CLCN7: variants seen among roughly 807,000 people sequenced by gnomAD.
CLCN7 encodes the protein H(+)/Cl(-) exchange transporter 7.
Under a neutral mutation model 102.1 loss-of-function variants are expected in CLCN7, and 60 were observed. That is an observed-to-expected ratio of 0.59 (90% CI 0.48 to 0.73). The LOEUF is 0.73. CLCN7 is among the 30% of genes least tolerant of loss of function. CLCN7 has a pLI of 0.00. For synonymous variants in CLCN7, 560 were observed against 490.5 expected (o/e 1.14, Z -1.87); for missense variants, 962 against 1,125.7 (o/e 0.85, Z 2.08).
intron 7 of CLCN7, among the ~76,000 whole-genome samples, chr16:1,458,537 T>C (rs2038875311): frequency 6.6e-6 from 1 of 152,162 alleles, no homozygotes; most frequent in Non-Finnish European, 1.5e-5. Flanking sequence ...GTCCCGCTCC[T>C]TGGCCACGGG....
At chr16:1,463,777 A>AG in intron 2 of CLCN7, among the ~76,000 whole-genome samples, 1 of 146,426 alleles carries the variant, frequency 6.8e-6, no homozygotes, top group Admixed American at 6.7e-5. Flanking sequence ...CTGCCCAGAA[A>AG]AAAAAAAAAA....
chr16:1,460,958 G>A lies in CLCN7; in HGVS notation c.352-10C>T, dbSNP rs763328104. 9.9e-6 allele frequency: 16 copies of A among 1,612,010 alleles called. No homozygotes were observed. Among genetic ancestry groups the A allele is most frequent in the Non-Finnish European group, 1.3e-5 (15 of 1,179,814 alleles). On this transcript the variant is annotated splice_polypyrimidine_tract_variant and intron_variant, in intron 4 of 24. Transcript: ENST00000382745. ...CCACCGTCCGGAAGGCCTGCAGGGCGCGGTCAGGGCGAGGGTCAGGCAGGG... is the reference window on the plus strand; with the variant it reads ...CCACCGTCCGGAAGGCCTGCAGGGCACGGTCAGGGCGAGGGTCAGGCAGGG...
chr16:1,455,276 G>A lies in CLCN7; in HGVS notation c.982-26C>T, dbSNP rs111660667. 1.7e-3 allele frequency: 2,312 copies of A among 1,393,992 alleles called. 30 individuals are homozygous for A. In the African/African-American group the frequency reaches 0.027, roughly 16 times the overall value. The allele number at this position is 1,393,992 out of a possible 1,614,324, so 86.4% of individuals were successfully genotyped here. Reference sequence around the variant, plus strand: ...CTGCGGCAGAGGGCAGGAAACCAGCGCCCTCAGAGCCACGCTCCCAGCCCA... The same window carrying A: ...CTGCGGCAGAGGGCAGGAAACCAGCACCCTCAGAGCCACGCTCCCAGCCCA... On this transcript the variant is annotated intron_variant, in intron 11 of 24. Transcript: ENST00000382745.
intron 1 of CLCN7, among the ~76,000 whole-genome samples, chr16:1,473,336 A>G (rs1244314931): frequency 7.0e-6 from 1 of 143,654 alleles, no homozygotes; most frequent in Non-Finnish European, 1.5e-5. Context: ...TGTAGGTTCT[A>G]TGGAAACAGG....
rs1018047585 is a variant in CLCN7 at position 1,457,862 on chromosome 16, A to G, written c.676-106T>C. 24 of 1,148,674 alleles carry G rather than the reference A, an allele frequency of 2.1e-5. No homozygotes were observed. The Admixed American group carries it at 3.3e-4, about 16-fold the overall frequency. The allele number at this position is 1,148,674 out of a possible 1,614,324, so 71.2% of individuals were successfully genotyped here. ...GCCCCGATCAGGCAGAGTGGCTGGGACACGGGGCCTCCGGGAGGGGGCCAG... is the reference window on the plus strand; with the variant it reads ...GCCCCGATCAGGCAGAGTGGCTGGGGCACGGGGCCTCCGGGAGGGGGCCAG... On this transcript the variant is annotated intron_variant, in intron 7 of 24. Transcript: ENST00000382745. This position sits in a 1 kb window ranked among gnomAD's most constrained non-coding sequence, Gnocchi z 5.4.
In CLCN7 at chr16:1,456,267, G is replaced by A. The variant is rs2036435992; in HGVS notation, c.823-61C>T. 9 of 1,247,282 alleles carry A rather than the reference G, an allele frequency of 7.2e-6. No homozygotes were observed. The South Asian group carries it at 1.2e-4, about 16-fold the overall frequency. The allele number at this position is 1,247,282 out of a possible 1,614,324, so 77.3% of individuals were successfully genotyped here. On this transcript the variant is annotated intron_variant, in intron 9 of 24. Transcript: ENST00000382745. The stretch of plus-strand genomic sequence containing the variant: ...CTTGAGGGCACGGCTCTCAGAAAGG[G>A]AGAGCAACTGCCAGGACAGGGGCTG...
At chr16:1,449,479 C>T (rs1047039178) in intron 17 of CLCN7, 152 bp from the exon 18 acceptor site, 3 of 695,846 alleles carry the variant, frequency 4.3e-6, no homozygotes, top group Admixed American at 2.2e-5. Flanking sequence ...CAACCTAGCA[C>T]AGTACACCCT....
rs1208445815 is a variant in CLCN7 at position 1,460,898 on chromosome 16, C to A, written c.402G>T (p.Gly134=). 2 of 1,613,886 alleles carry A rather than the reference C, an allele frequency of 1.2e-6. No individual in the cohort carries two copies. The highest frequency in any genetic ancestry group is 1.7e-6 in the Non-Finnish European group (2 of 1,179,968). The change falls in exon 5 of 25, where the codon GGG becomes GGT. Residue 134 remains glycine, a synonymous_variant. Coordinates refer to ENST00000382745, the MANE Select transcript of CLCN7 (RefSeq NM_001287.6). ...AGCAGGCCACGAGGCCCGTGAGGATCCCAATGAGGGCGCAGATGACCCAGC... is the reference window on the plus strand; with the variant it reads ...AGCAGGCCACGAGGCCCGTGAGGATACCAATGAGGGCGCAGATGACCCAGC... The part of the protein sequence containing the change: ...IKRWVICALI[G]ILTGLVACFI...
chr16:1,466,049 G>A (rs941226233), intron 1 of CLCN7, among the ~76,000 whole-genome samples: 8 of 152,238 alleles, frequency 5.3e-5, no homozygotes, highest in African/African-American at 1.7e-4. Context: ...CTTTGGAGAC[G>A]ACTCCAATTT....
chr16:1,450,080 G>A (rs2038720258), intron 17 of CLCN7: 2 of 214,840 alleles, frequency 9.3e-6, no homozygotes, highest in Admixed American at 5.3e-5. Flanking sequence ...GGCAGGCAGA[G>A]AAGGAAGGCC....
chr16:1,456,331 C>G, intron 9 of CLCN7, 125 bp from the exon 10 acceptor site: 1 of 739,022 alleles, frequency 1.4e-6, no homozygotes, highest in Non-Finnish European at 2.4e-6. Flanking sequence ...GAGTCAGCAG[C>G]TCTGATTCCT....
chr16:1,455,940 T>C (rs2038828593), intron 10 of CLCN7, 145 bp from the exon 11 acceptor site: 4 of 1,057,240 alleles, frequency 3.8e-6, no homozygotes, highest in African/African-American at 3.1e-5. Flanking sequence ...AGAGGGACCC[T>C]GAGGGAGGTC....
At position 1,457,153 on chromosome 16, in the gene CLCN7, G is replaced by T; in HGVS notation, c.822+101C>A. 8.9e-7 allele frequency: 1 copy of T among 1,117,456 alleles called. No individual in the cohort carries two copies. The highest frequency in any genetic ancestry group is 1.4e-6 in the Non-Finnish European group (1 of 735,444). 69.2% of individuals were successfully genotyped at this position (1,117,456 alleles called of 1,614,324 possible). On this transcript the variant is annotated intron_variant, in intron 9 of 24. Coordinates refer to ENST00000382745, the MANE Select transcript of CLCN7 (RefSeq NM_001287.6). This position sits in a 1 kb window ranked among gnomAD's most constrained non-coding sequence, Gnocchi z 5.4. Reference sequence around the variant, plus strand: ...CAGGCTGTCCTCAGATGGGGCTGGGGCTCTCGGCCTGGGGGTGCTGAGGGA... The same window carrying T: ...CAGGCTGTCCTCAGATGGGGCTGGGTCTCTCGGCCTGGGGGTGCTGAGGGA...
At chr16:1,468,416 G>T (rs907675026) in intron 1 of CLCN7, among the ~76,000 whole-genome samples, 3 of 152,328 alleles carry the variant, frequency 2.0e-5, no homozygotes, top group Middle Eastern at 3.4e-3. Flanking sequence ...CCTTAACTCT[G>T]CCAGGACTTT....
At chr16:1,455,354 G>C in intron 11 of CLCN7, 104 bp from the exon 12 acceptor site, 1 of 834,574 alleles carries the variant, frequency 1.2e-6, no homozygotes, top group Non-Finnish European at 2.1e-6. Context: ...CCGGGGCCAG[G>C]AGTCTGCAGA....
Position 1,457,480 on chromosome 16 carries a change from G to C in CLCN7, c.739-143C>G. 3.5e-6 allele frequency: 2 copies of C among 578,916 alleles called. No homozygotes were observed. Among genetic ancestry groups the C allele is most frequent in the Admixed American group, 2.5e-5 (1 of 39,288 alleles). 35.9% of individuals were successfully genotyped at this position (578,916 alleles called of 1,614,324 possible). A position where few individuals can be genotyped will look rare whatever the true frequency, so the allele number is the denominator to read the frequency against. On this transcript the variant is annotated intron_variant, in intron 8 of 24. Transcript: ENST00000382745. This position sits in a 1 kb window ranked among gnomAD's most constrained non-coding sequence, Gnocchi z 5.4. ...CGATGCTCAGAGACACGCGTGACGC[G>C]GCCCTTCCTGGAGACCAGAAGGACC...
At position 1,457,813 on chromosome 16, in the gene CLCN7, C is replaced by T; in HGVS notation, c.676-57G>A. On this transcript the variant is annotated intron_variant, in intron 7 of 24. Transcript: ENST00000382745. The surrounding 1 kb of genome is among the most constrained non-coding windows in gnomAD (Gnocchi z 5.4). The stretch of plus-strand genomic sequence containing the variant: ...GAAAAGGCAGGCGCTGTCTTTGGAC[C>T]TGAGCCGTAAAACAGCACACACAGC... The T allele has an allele frequency of 3.9e-6, 6 of 1,556,972 alleles. No individual in the cohort carries two copies. Among genetic ancestry groups the T allele is most frequent in the South Asian group, 1.1e-5 (1 of 89,948 alleles).
In CLCN7 at chr16:1,447,010, T is replaced by C. The variant is rs751025439; in HGVS notation, c.2327A>G (p.Asn776Ser). The C allele has an allele frequency of 1.0e-5, 16 of 1,594,100 alleles. No individual in the cohort carries two copies. Among genetic ancestry groups the C allele is most frequent in the Admixed American group, 1.7e-5 (1 of 58,736 alleles). The change falls in exon 24 of 25, where the codon AAT (asparagine) becomes AGT (serine). Residue 776 changes from asparagine (N) to serine (S), a missense_variant. By Grantham distance (46) the Asn-to-Ser change is conservative (BLOSUM62 1). Coordinates refer to ENST00000382745, the MANE Select transcript of CLCN7 (RefSeq NM_001287.6). Reference sequence around the variant, plus strand: ...ACCCCCACCGCCCCCGCTCACCTGATTGCGGTTGTCCACCACCACCAGGTG... The same window carrying C: ...ACCCCCACCGCCCCCGCTCACCTGACTGCGGTTGTCCACCACCACCAGGTG... ...LRHLVVVDNR[N>S]QVVGLVTRKD...
At chr16:1,454,304 G>A (rs1169549156) in intron 13 of CLCN7, 107 bp downstream of exon 13, 1 of 1,190,528 alleles carries the variant, frequency 8.4e-7, no homozygotes, top group South Asian at 1.2e-5. Flanking sequence ...GCCCTGGGAT[G>A]AGGGCAGGCT....
Sources: gnomAD v4.1 joint callset for allele counts (sites outside exome capture counted in the v4.1 genomes callset) on GRCh38, gnomAD v4.1.1 for gene constraint, Gnocchi (gnomAD v3.1) non-coding constraint, MANE v1.5 for transcripts, NCBI Gene and HGNC (gene_info 2026-07-23, HGNC 2026-07-21) for gene names.